Variants in SOCS5 observed in about 807,000 individuals in gnomAD.
SOCS5 encodes the protein suppressor of cytokine signaling 5.
SOCS5 carries 32 observed loss-of-function variants against 42.8 expected under a neutral mutation model. The observed-to-expected ratio is 0.75, with a 90% CI of 0.56 to 1.01. SOCS5 has a LOEUF of 1.01. Ranked by LOEUF, SOCS5 falls within the 50% of genes least tolerant of loss-of-function variation. The pLI is 0.00. For missense variants in SOCS5, 627 were observed against 653.0 expected (o/e 0.96, Z 0.43); for synonymous variants, 283 against 229.6 (o/e 1.23, Z -2.10).
chr2:46,752,865 A>G (rs987134450), intron 1 of SOCS5, among the ~76,000 whole-genome samples: 2 of 152,014 alleles, frequency 1.3e-5, no homozygotes, highest in Non-Finnish European at 2.9e-5. Flanking sequence ...CCTAAGCAAG[A>G]CTCCTAGTGT....
chr2:46,730,790 C>A (rs892809881), intron 1 of SOCS5, among the ~76,000 whole-genome samples: 1 of 152,114 alleles, frequency 6.6e-6, no homozygotes, highest in Non-Finnish European at 1.5e-5. Context: ...GTCTATAATT[C>A]TCATTTACCT....
In SOCS5 at chr2:46,714,108, G is replaced by T. The variant is rs79617774; in HGVS notation, c.-13+14659G>T. On this transcript the variant is annotated intron_variant, in intron 1 of 1. Transcript: ENST00000394861. ...TGAACGTTCAATGTATACTTGAAAA[G>T]AATGGTTATTTTCCTGTTACTAGGT... 3.4e-4 allele frequency among the ~76,000 whole-genome samples: 52 copies of T among 152,258 alleles called. 2 individuals are homozygous for T. The East Asian group carries it at 0.01, about 29-fold the overall frequency.
At position 46,702,412 on chromosome 2, in the gene SOCS5, G is replaced by GT. The variant is rs539416770; in HGVS notation, c.-13+2964dup. On this transcript the variant is annotated intron_variant, in intron 1 of 1. Transcript: ENST00000394861. ...GTCTGCATATCAAATTAGAGTGAAT[G>GT]TGTTACTGTTTCTGAATGTCATTGG... Among the ~76,000 whole-genome samples the GT allele has an allele frequency of 1.8e-3, 278 of 152,230 alleles. 1 individual carries two copies. Among genetic ancestry groups the GT allele is most frequent in the African/African-American group, 6.4e-3 (264 of 41,540 alleles).
intron 1 of SOCS5, among the ~76,000 whole-genome samples, chr2:46,700,490 C>T (rs760688241): frequency 5.3e-5 from 8 of 152,176 alleles, no homozygotes; most frequent in Non-Finnish European, 1.2e-4. Flanking sequence ...TTCTAGAAGA[C>T]TAATAAGTAA....
At chr2:46,714,474 A>G (rs889226136) in intron 1 of SOCS5, among the ~76,000 whole-genome samples, 1 of 152,098 alleles carries the variant, frequency 6.6e-6, no homozygotes, top group African/African-American at 2.4e-5. Flanking sequence ...TATTTACATG[A>G]TATATCTTTT....
rs370051157 is a variant in SOCS5 at position 46,758,926 on chromosome 2, C to T, written c.396C>T (p.Thr132=). The change falls in exon 2 of 2, where the codon ACC becomes ACT. Residue 132 remains threonine, a synonymous_variant. Coordinates refer to ENST00000394861, the MANE Select transcript of SOCS5 (RefSeq NM_144949.3). ...AAAAACATTCCTGTTCTACAAAGAC[C>T]CAGAGTTCATTGGATGCTGATAAAA... ...GKKKHSCSTK[T]QSSLDADKKF... is the part of the protein sequence containing the mutation. The T allele has an allele frequency of 1.2e-6, 2 of 1,613,960 alleles. No individual in the cohort carries two copies.
intron 1 of SOCS5, among the ~76,000 whole-genome samples, chr2:46,745,033 A>G (rs1220591846): frequency 6.6e-6 from 1 of 151,840 alleles, no homozygotes; most frequent in African/African-American, 2.4e-5. Flanking sequence ...TTGACCTGCA[A>G]GCAATAACAA....
intron 1 of SOCS5, among the ~76,000 whole-genome samples, chr2:46,710,514 T>C (rs1177043822): frequency 6.6e-6 from 1 of 152,198 alleles, no homozygotes; most frequent in Admixed American, 6.5e-5. Context: ...TAAGTGTATG[T>C]ACAGTTGCAT....
chr2:46,722,278 T>C (rs969302728), intron 1 of SOCS5, among the ~76,000 whole-genome samples: 1 of 152,090 alleles, frequency 6.6e-6, no homozygotes, highest in Non-Finnish European at 1.5e-5. Flanking sequence ...GTTTCACTGA[T>C]GCACACATGC....
intron 1 of SOCS5, among the ~76,000 whole-genome samples, chr2:46,719,395 A>C (rs1356518887): frequency 6.6e-6 from 1 of 152,216 alleles, no homozygotes; most frequent in Non-Finnish European, 1.5e-5. Context: ...ATAGTTTAAA[A>C]TTATGAGTTT....
intron 1 of SOCS5, among the ~76,000 whole-genome samples, chr2:46,746,351 TG>T (rs1673494839): frequency 6.6e-6 from 1 of 152,146 alleles, no homozygotes; most frequent in Non-Finnish European, 1.5e-5. Context: ...TCTTCTCCTT[TG>T]GAGTATAGAA....
At chr2:46,721,282 CTAAT>C (rs760451937) in intron 1 of SOCS5, among the ~76,000 whole-genome samples, 7 of 152,106 alleles carry the variant, frequency 4.6e-5, no homozygotes, top group Non-Finnish European at 7.4e-5. Context: ...GTCTTGGTGT[CTAAT>C]TATCTCAGAT....
At chr2:46,702,968 T>G (rs916907029) in intron 1 of SOCS5, among the ~76,000 whole-genome samples, 2 of 152,220 alleles carry the variant, frequency 1.3e-5, no homozygotes, top group African/African-American at 4.8e-5. Flanking sequence ...TTCTCATGCA[T>G]CTTTGTGGTC....
chr2:46,724,513 T>C (rs922198570), intron 1 of SOCS5, among the ~76,000 whole-genome samples: 1 of 152,056 alleles, frequency 6.6e-6, no homozygotes, highest in Non-Finnish European at 1.5e-5. Context: ...TATAAGTATT[T>C]AATGCCATAC....
At chr2:46,726,856 A>C (rs1207761777) in intron 1 of SOCS5, among the ~76,000 whole-genome samples, 1 of 151,420 alleles carries the variant, frequency 6.6e-6, no homozygotes, top group Non-Finnish European at 1.5e-5. Flanking sequence ...TCCTGGGTTC[A>C]AGCGATTCTC....
intron 1 of SOCS5, among the ~76,000 whole-genome samples, chr2:46,711,537 G>A (rs1197827103): frequency 6.6e-6 from 1 of 152,196 alleles, no homozygotes; most frequent in African/African-American, 2.4e-5. Context: ...ACACATAAAT[G>A]TGTTAGAGAT....
intron 1 of SOCS5, among the ~76,000 whole-genome samples, chr2:46,728,939 C>T (rs1215354662): frequency 1.3e-5 from 2 of 152,186 alleles, no homozygotes; most frequent in Admixed American, 6.5e-5. Context: ...GGGCTAGCAT[C>T]GTCAGAATCA....
intron 1 of SOCS5, among the ~76,000 whole-genome samples, chr2:46,710,280 G>T (rs1215029914): frequency 6.6e-6 from 1 of 152,082 alleles, no homozygotes; most frequent in Admixed American, 6.5e-5. Context: ...CTGAGTAACT[G>T]GGATTACAGG....
intron 1 of SOCS5, among the ~76,000 whole-genome samples, chr2:46,704,577 A>G (rs1418645934): frequency 6.6e-6 from 1 of 152,156 alleles, no homozygotes; most frequent in Non-Finnish European, 1.5e-5. Context: ...TTGTATCAGG[A>G]TGTAATACTA....
Sources: gnomAD v4.1 joint callset for allele counts (sites outside exome capture counted in the v4.1 genomes callset) on GRCh38, gnomAD v4.1.1 for gene constraint, MANE v1.5 for transcripts, NCBI Gene and HGNC (gene_info 2026-07-23, HGNC 2026-07-21) for gene names.